Variants in SSH1 observed in about 807,000 individuals in gnomAD.
The protein encoded by SSH1 is slingshot protein phosphatase 1, also known as protein phosphatase Slingshot homolog 1.
SSH1 carries 43 observed loss-of-function variants against 79.7 expected under a neutral mutation model. The ratio of observed to expected loss-of-function variants is 0.54; its 90% CI spans 0.42 to 0.70. The LOEUF (loss-of-function observed/expected upper bound fraction) is 0.70, where lower values mean the gene tolerates loss of function less well. SSH1 is among the 30% of genes least tolerant of loss of function. SSH1 has a pLI of 0.00. For synonymous variants in SSH1, 599 were observed against 538.3 expected (o/e 1.11, Z -1.56); for missense variants, 1,206 against 1,358.8 (o/e 0.89, Z 1.77).
intron 5 of SSH1, among the ~76,000 whole-genome samples, chr12:108,813,217 A>G (rs2037708021): frequency 6.6e-6 from 1 of 152,104 alleles, no homozygotes; most frequent in South Asian, 2.1e-4. Flanking sequence ...AGTGGGTGGG[A>G]GCAATTGCAG....
chr12:108,808,227 C>A (rs1312161847), intron 7 of SSH1, among the ~76,000 whole-genome samples: 1 of 152,192 alleles, frequency 6.6e-6, no homozygotes, highest in Non-Finnish European at 1.5e-5. Context: ...CGTGAGCCAC[C>A]ATGCCCGGCT....
At chr12:108,827,335 TAA>T (rs1266765206) in intron 2 of SSH1, 3 of 1,547,198 alleles carry the variant, frequency 1.9e-6, no homozygotes, top group East Asian at 2.5e-5. Context: ...GTCGGTAAAA[TAA>T]AAGAGGTTCG....
Position 108,823,387 on chromosome 12 carries a change from G to C in SSH1, c.111-26C>G, listed in dbSNP as rs771782787. On this transcript the variant is annotated intron_variant, in intron 2 of 14. Transcript: ENST00000326495. ...CTGGGAAGGATAAGACCAGAGCACA[G>C]TTAGACCGGAATTCAGACAGGAAAA... The C allele has an allele frequency of 3.9e-6, 6 of 1,539,416 alleles. No individual in the cohort carries two copies. In the East Asian group the frequency reaches 1.4e-4, roughly 37 times the overall value.
At chr12:108,827,361 C>G (rs2137210811) in intron 2 of SSH1, 2 of 1,544,986 alleles carry the variant, frequency 1.3e-6, no homozygotes, top group East Asian at 4.9e-5. Context: ...CTGCAGTGCT[C>G]ACATCTCTAA....
chr12:108,818,409 T>C (rs1052833275), intron 3 of SSH1, 96 bp from the exon 4 acceptor site: 19 of 1,153,826 alleles, frequency 1.6e-5, no homozygotes, highest in Non-Finnish European at 1.9e-5. Context: ...TGGAAAAAGA[T>C]TGAGAAGTTA....
chr12:108,815,835 G>A (rs746085771), intron 5 of SSH1, among the ~76,000 whole-genome samples: 2 of 152,194 alleles, frequency 1.3e-5, no homozygotes, highest in Non-Finnish European at 2.9e-5. Flanking sequence ...TATGTACTGC[G>A]GGGGTGGGGG....
intron 3 of SSH1, among the ~76,000 whole-genome samples, chr12:108,821,873 TAAAC>T (rs2038135075): frequency 6.6e-6 from 1 of 152,180 alleles, no homozygotes; most frequent in Non-Finnish European, 1.5e-5. Flanking sequence ...GACTTGAGGT[TAAAC>T]AAACAAAATG....
Position 108,788,002 on chromosome 12 carries a change from TCC to T in SSH1, c.3134_3135del (p.Trp1045TyrfsTer36), listed in dbSNP as rs1318164810. 2.5e-6 allele frequency: 4 copies of T among 1,614,054 alleles called. No homozygotes were observed. The highest frequency in any genetic ancestry group is 3.4e-6 in the Non-Finnish European group (4 of 1,180,050). On this transcript the variant is annotated frameshift_variant, in exon 15 of 15. Transcript: ENST00000326495. LOFTEE classifies it high-confidence loss of function. ...CAAAAGGCGGGTCAGCTTTTGCTCA[TCC>T]ACGAAGGGCTCTTTAAGTTTTCTGG... is the stretch of plus-strand genomic sequence containing the variant. The part of the protein sequence containing the change: ...PAPENLKSPS[W>X]MSKS
intron 2 of SSH1, chr12:108,827,165 C>G: frequency 1.7e-6 from 2 of 1,182,036 alleles, no homozygotes; most frequent in South Asian, 1.7e-5. Flanking sequence ...TCAATCAATG[C>G]TCCTCAAAAA....
At chr12:108,810,887 G>A (rs2037554487) in intron 6 of SSH1, among the ~76,000 whole-genome samples, 1 of 152,222 alleles carries the variant, frequency 6.6e-6, no homozygotes, top group Non-Finnish European at 1.5e-5. Flanking sequence ...CCCAAAGCTG[G>A]TGAGTTCCTG....
At chr12:108,851,407 T>C (rs992489136) in intron 2 of SSH1, among the ~76,000 whole-genome samples, 1 of 152,216 alleles carries the variant, frequency 6.6e-6, no homozygotes, top group Middle Eastern at 3.2e-3. Context: ...TGAACACATA[T>C]TTCCTTTTCC....
intron 2 of SSH1, among the ~76,000 whole-genome samples, chr12:108,841,305 T>C (rs542472437): frequency 1.3e-5 from 2 of 152,386 alleles, no homozygotes; most frequent in East Asian, 3.9e-4. Context: ...CGCAATGTGC[T>C]AAGTGCACAG....
intron 2 of SSH1, 26 bp downstream of exon 2, chr12:108,852,612 G>A: frequency 6.2e-7 from 1 of 1,613,586 alleles, no homozygotes; most frequent in Non-Finnish European, 8.5e-7. Context: ...GAAAGACTTA[G>A]GAACAAGAAT....
At chr12:108,835,880 T>C (rs1352818626) in intron 2 of SSH1, among the ~76,000 whole-genome samples, 1 of 131,524 alleles carries the variant, frequency 7.6e-6, no homozygotes, top group African/African-American at 2.8e-5. Flanking sequence ...CATATTATAT[T>C]AATTAATTAT....
chr12:108,818,824 G>A (rs2038003129), intron 3 of SSH1, among the ~76,000 whole-genome samples: 1 of 152,194 alleles, frequency 6.6e-6, no homozygotes, highest in South Asian at 2.1e-4. Flanking sequence ...TACGATCTCA[G>A]CTCACTGCAA....
Position 108,806,339 on chromosome 12 carries a change from T to C in SSH1, c.787A>G (p.Met263Val), listed in dbSNP as rs1470337980. ...ACATTTTCTAGATCCTGGCTCATCA[T>C]GATGCTTCGGAGCTTGGCTTTGATG... ...RLIKAKLRSIMMSQDLENVTS... is the reference protein window; with the variant it reads ...RLIKAKLRSIVMSQDLENVTS... Residue 263 changes from methionine to valine, a missense_variant, in exon 9 of 15, where the codon ATG becomes GTG. Met to Val is a conservative substitution (Grantham distance 21, BLOSUM62 1). Transcript: ENST00000326495. 1.2e-6 allele frequency: 2 copies of C among 1,614,084 alleles called. No homozygotes were observed. The highest frequency in any genetic ancestry group is 1.7e-6 in the Non-Finnish European group (2 of 1,180,042).
intron 2 of SSH1, among the ~76,000 whole-genome samples, chr12:108,851,799 T>C (rs969358010): frequency 6.6e-6 from 1 of 152,112 alleles, no homozygotes; most frequent in Admixed American, 6.6e-5. Context: ...ATCAGCAAAG[T>C]GCTTACCGCA....
chr12:108,789,226 T>TCCC lies in SSH1; in HGVS notation c.1909_1911dup (p.Gly637dup). ...TAGGAAGGCTTCACTTTGTTAAGGA[T>TCCC]CCCAAATATAGCATCATCCTGCAAG... On this transcript the variant is annotated inframe_insertion, in exon 15 of 15. Coordinates refer to ENST00000326495, the MANE Select transcript of SSH1 (RefSeq NM_018984.4). The TCCC allele has an allele frequency of 1.9e-6, 3 of 1,599,816 alleles. No individual in the cohort carries two copies. The highest frequency in any genetic ancestry group is 2.6e-6 in the Non-Finnish European group (3 of 1,172,782).
In SSH1 at chr12:108,786,098, T is replaced by C. The variant is rs1271457969; in HGVS notation, c.*1890A>G. ...GTAAAATATGAACTAGCCTTGTTCC[T>C]GCAGATCCCTCCTGGGGTGCTTTCT... On this transcript the variant is annotated 3_prime_UTR_variant, in exon 15 of 15. Transcript: ENST00000326495. 1 of 152,254 alleles carries C rather than the reference T, an allele frequency of 6.6e-6. No individual in the cohort carries two copies. The highest frequency in any genetic ancestry group is 1.5e-5 in the Non-Finnish European group (1 of 68,046). 9.4% of individuals were successfully genotyped at this position (152,254 alleles called of 1,614,324 possible).
Sources: allele counts gnomAD v4.1 joint callset (sites outside exome capture counted in the v4.1 genomes callset), GRCh38; gene constraint gnomAD v4.1.1; transcripts MANE v1.5; gene names NCBI Gene and HGNC (gene_info 2026-07-23, HGNC 2026-07-21).